NKAIN2: variants seen among roughly 807,000 people sequenced by gnomAD.
NKAIN2 encodes the protein sodium/potassium-transporting ATPase subunit beta-1-interacting protein 2.
In NKAIN2, 14 loss-of-function variants were observed where a neutral mutation model predicts 32.6. The observed-to-expected ratio is 0.43, with a 90% CI of 0.28 to 0.67. The LOEUF is 0.67. Among genes scored for constraint, NKAIN2 ranks in the 30% least tolerant of loss-of-function variants. The pLI is 0.17. For synonymous variants in NKAIN2, 80 were observed against 87.2 expected, an observed-to-expected ratio of 0.92 and a Z score of 0.46; for missense variants, 198 against 258.3, an observed-to-expected ratio of 0.77 and a Z score of 1.60.
chr6:124,415,792 G>A (rs556544195), intron 3 of NKAIN2, among the ~76,000 whole-genome samples: 6 of 151,760 alleles, frequency 4.0e-5, no homozygotes, highest in South Asian at 2.1e-4. Context: ...CCTGGAAATG[G>A]GGTCAAACCA....
chr6:124,635,238 A>T (rs1783730822), intron 3 of NKAIN2, among the ~76,000 whole-genome samples: 1 of 152,004 alleles, frequency 6.6e-6, no homozygotes, highest in Non-Finnish European at 1.5e-5. Flanking sequence ...TGCTTAAGGG[A>T]GTTCTTTATC....
At chr6:124,481,992 A>T (rs1283672866) in intron 3 of NKAIN2, among the ~76,000 whole-genome samples, 1 of 152,188 alleles carries the variant, frequency 6.6e-6, no homozygotes, top group Non-Finnish European at 1.5e-5. Context: ...ATGTTCAAAA[A>T]GTTTTCTTAG....
intron 3 of NKAIN2, among the ~76,000 whole-genome samples, chr6:124,642,647 C>A (rs950129900): frequency 6.6e-6 from 1 of 152,148 alleles, no homozygotes; most frequent in African/African-American, 2.4e-5. Context: ...CCCCACTATT[C>A]CATCTCCTGC....
intron 1 of NKAIN2, among the ~76,000 whole-genome samples, chr6:124,113,645 G>A (rs1161358302): frequency 6.6e-6 from 1 of 152,060 alleles, no homozygotes; most frequent in East Asian, 1.9e-4. Context: ...TGCTTCCTTG[G>A]AAATGCAAGG....
At chr6:124,068,150 C>T (rs1174932731) in intron 1 of NKAIN2, among the ~76,000 whole-genome samples, 1 of 152,080 alleles carries the variant, frequency 6.6e-6, no homozygotes, top group Admixed American at 6.6e-5. Flanking sequence ...TTCCACTACC[C>T]AACCTCTTAA....
At chr6:124,163,494 A>C (rs144635213) in intron 1 of NKAIN2, among the ~76,000 whole-genome samples, 313 of 149,562 alleles carry the variant, frequency 2.1e-3, no homozygotes, top group African/African-American at 7.1e-3. Context: ...GTTCTCTAAA[A>C]ATTTCCTCAA....
intron 2 of NKAIN2, among the ~76,000 whole-genome samples, chr6:124,317,375 A>G (rs1313653063): frequency 6.6e-6 from 1 of 152,096 alleles, no homozygotes; most frequent in East Asian, 1.9e-4. Flanking sequence ...AGTGTAGGAA[A>G]GAATATTCTC....
chr6:123,885,624 T>C lies in NKAIN2; in HGVS notation c.54+81370T>C, dbSNP rs1392351701. Among the ~76,000 whole-genome samples the C allele has an allele frequency of 5.5e-4, 83 of 152,022 alleles. 1 individual carries two copies. Among genetic ancestry groups the C allele is most frequent in the Non-Finnish European group, 1.3e-4 (9 of 67,916 alleles). On this transcript the variant is annotated intron_variant, in intron 1 of 6. Transcript: ENST00000368417. ...GTTAGGAATTACCCTAAATTTTAAA[T>C]TTGAGACAAATGTGTTTTCCGTGAT...
At chr6:124,558,457 T>A (rs1384692227) in intron 3 of NKAIN2, among the ~76,000 whole-genome samples, 1 of 152,188 alleles carries the variant, frequency 6.6e-6, no homozygotes, top group Non-Finnish European at 1.5e-5. Context: ...CTTCAGACTT[T>A]CTAAGTCTCT....
chr6:124,527,210 C>A (rs937653779), intron 3 of NKAIN2, among the ~76,000 whole-genome samples: 4 of 152,126 alleles, frequency 2.6e-5, no homozygotes, highest in African/African-American at 9.7e-5. Flanking sequence ...AAGGGAATAA[C>A]AAGCCACAAA....
intron 1 of NKAIN2, among the ~76,000 whole-genome samples, chr6:123,943,023 T>C (rs1776891877): frequency 6.6e-6 from 1 of 152,038 alleles, no homozygotes; most frequent in African/African-American, 2.4e-5. Context: ...CCCATGTGCA[T>C]TACAAAACTT....
At chr6:124,812,890 A>G (rs1780967109) in intron 5 of NKAIN2, among the ~76,000 whole-genome samples, 1 of 152,140 alleles carries the variant, frequency 6.6e-6, no homozygotes, top group African/African-American at 2.4e-5. Flanking sequence ...ATTCATTGAC[A>G]TCTTTCCTTC....
intron 1 of NKAIN2, among the ~76,000 whole-genome samples, chr6:123,877,930 A>C (rs1356196602): frequency 1.3e-5 from 2 of 152,136 alleles, no homozygotes; most frequent in African/African-American, 4.8e-5. Context: ...TTAGCTTTTA[A>C]TAAATTGTAA....
At chr6:124,592,166 G>A (rs1162312224) in intron 3 of NKAIN2, among the ~76,000 whole-genome samples, 1 of 152,116 alleles carries the variant, frequency 6.6e-6, no homozygotes, top group African/African-American at 2.4e-5. Flanking sequence ...TAGAGTTTGA[G>A]CTAAACTTGG....
At chr6:124,742,325 C>A (rs796877873) in intron 4 of NKAIN2, among the ~76,000 whole-genome samples, 16 of 151,924 alleles carry the variant, frequency 1.1e-4, no homozygotes, top group African/African-American at 3.9e-4. Flanking sequence ...CTGAATAGAA[C>A]AAAAGGCAGA....
At chr6:124,054,196 T>A (rs1285840432) in intron 1 of NKAIN2, among the ~76,000 whole-genome samples, 5 of 152,056 alleles carry the variant, frequency 3.3e-5, no homozygotes, top group Admixed American at 6.6e-5. Flanking sequence ...TGTTTTTCTT[T>A]CATTTTACAT....
intron 4 of NKAIN2, among the ~76,000 whole-genome samples, chr6:124,677,754 C>T (rs1773430984): frequency 6.6e-6 from 1 of 152,006 alleles, no homozygotes; most frequent in African/African-American, 2.4e-5. Flanking sequence ...TGTACCATTA[C>T]AGTTTTACAG....
At chr6:123,841,663 T>TG (rs1774877431) in intron 1 of NKAIN2, among the ~76,000 whole-genome samples, 1 of 152,136 alleles carries the variant, frequency 6.6e-6, no homozygotes, top group Admixed American at 6.5e-5. Flanking sequence ...ATGCAACCAA[T>TG]GGTCACGGGA....
At position 124,583,371 on chromosome 6, in the gene NKAIN2, G is replaced by A. The variant is rs1781593804; in HGVS notation, c.274-74815G>A. Among the ~76,000 whole-genome samples, 3 of 151,940 alleles carry A rather than the reference G, an allele frequency of 2.0e-5. No individual in the cohort carries two copies. In the South Asian group the frequency reaches 6.2e-4, roughly 31 times the overall value. ...AATCAAAAAAGTAATCCAATTTACA[G>A]TAGCTATAAATAAAAATAAATACCT... On this transcript the variant is annotated intron_variant, in intron 3 of 6. Transcript: ENST00000368417.
Sources: allele counts gnomAD v4.1 joint callset (sites outside exome capture counted in the v4.1 genomes callset), GRCh38; gene constraint gnomAD v4.1.1; transcripts MANE v1.5; gene names NCBI Gene and HGNC (gene_info 2026-07-23, HGNC 2026-07-21).